The following CDC42BPA variants were observed in gnomAD, a reference collection of about 807,000 sequenced individuals.
CDC42BPA encodes the protein CDC42 binding protein kinase alpha.
CDC42BPA carries 80 observed loss-of-function variants against 223.5 expected under a neutral mutation model. That is an observed-to-expected ratio of 0.36 (90% CI 0.30 to 0.43). The LOEUF is 0.43. Ranked by LOEUF, CDC42BPA falls within the 20% of genes least tolerant of loss-of-function variation. The pLI is 1.00. For missense variants in CDC42BPA, 1,743 were observed against 2,099.9 expected, an observed-to-expected ratio of 0.83 and a Z score of 3.32; for synonymous variants, 694 against 718.6, an observed-to-expected ratio of 0.97 and a Z score of 0.55.
intron 16 of CDC42BPA, among the ~76,000 whole-genome samples, chr1:227,085,747 A>G (rs1191569738): frequency 6.6e-6 from 1 of 152,232 alleles, no homozygotes; most frequent in African/African-American, 2.4e-5. Context: ...TGATTTGCCT[A>G]TTGCAAACAA....
In CDC42BPA at chr1:227,311,280, G is replaced by C. The variant is rs182078941; in HGVS notation, c.178+5725C>G. Among the ~76,000 whole-genome samples, 144 of 152,216 alleles carry C rather than the reference G, an allele frequency of 9.5e-4. 1 individual carries two copies. Among genetic ancestry groups the C allele is most frequent in the African/African-American group, 3.2e-3 (131 of 41,526 alleles). On this transcript the variant is annotated intron_variant, in intron 1 of 36. Coordinates refer to ENST00000366766, the MANE Select transcript of CDC42BPA (RefSeq NM_001394014.1). ...GTAAGCTGAGACAGGAGGATCCTGA[G>C]CCCAGGAGGTTGAGGCTGTAGTGAG...
At chr1:227,237,658 T>C (rs1329166895) in intron 2 of CDC42BPA, among the ~76,000 whole-genome samples, 1 of 152,204 alleles carries the variant, frequency 6.6e-6, no homozygotes, top group Admixed American at 6.5e-5. Context: ...GATCCATCTG[T>C]GGTTTGTCCT....
chr1:227,056,373 GTTTCT>G (rs200929334), intron 21 of CDC42BPA, among the ~76,000 whole-genome samples: 92 of 150,098 alleles, frequency 6.1e-4, no homozygotes, highest in South Asian at 8.3e-4. Flanking sequence ...AAAAGTCCCA[GTTTCT>G]TTTCTTTTCT....
At chr1:227,202,930 CA>C (rs768363343) in intron 3 of CDC42BPA, among the ~76,000 whole-genome samples, 2 of 151,954 alleles carry the variant, frequency 1.3e-5, no homozygotes, top group Non-Finnish European at 2.9e-5. Flanking sequence ...ACTGTCTCTT[CA>C]AAAACATTAA....
At chr1:227,090,731 A>T (rs1227487000) in intron 16 of CDC42BPA, among the ~76,000 whole-genome samples, 1 of 152,192 alleles carries the variant, frequency 6.6e-6, no homozygotes, top group African/African-American at 2.4e-5. Flanking sequence ...GAATTGTTTG[A>T]ACCCAGGAGG....
intron 21 of CDC42BPA, chr1:227,068,377 TTAAA>T (rs1329840896): frequency 2.6e-5 from 4 of 153,776 alleles, no homozygotes; most frequent in Admixed American, 1.3e-4. Flanking sequence ...TAAAAAATAA[TTAAA>T]TAAGCATTCT....
At chr1:227,046,999 CCTTTT>C (rs1379310682) in intron 23 of CDC42BPA, among the ~76,000 whole-genome samples, 3 of 151,916 alleles carry the variant, frequency 2.0e-5, no homozygotes. Context: ...CAATATTTTT[CCTTTT>C]ATTTATAAAC....
intron 14 of CDC42BPA, 68 bp downstream of exon 14, chr1:227,112,244 T>C: frequency 1.2e-6 from 1 of 857,948 alleles, no homozygotes; most frequent in Non-Finnish European, 1.8e-6. Flanking sequence ...GTATACAAGC[T>C]AACACTCCTA....
intron 5 of CDC42BPA, among the ~76,000 whole-genome samples, chr1:227,169,624 C>T (rs1422011437): frequency 1.3e-5 from 2 of 152,156 alleles, no homozygotes; most frequent in African/African-American, 4.8e-5. Context: ...AGTTCTTCTA[C>T]TTATCTTCTT....
chr1:227,036,331 G>T (rs1670218244), intron 24 of CDC42BPA, among the ~76,000 whole-genome samples: 1 of 151,446 alleles, frequency 6.6e-6, no homozygotes, highest in Admixed American at 6.6e-5. Context: ...TTGCTATGTT[G>T]CCCAGGCTGG....
intron 10 of CDC42BPA, among the ~76,000 whole-genome samples, chr1:227,132,957 A>T (rs1341006001): frequency 6.7e-6 from 1 of 148,638 alleles, no homozygotes; most frequent in African/African-American, 2.5e-5. Context: ...CTGAGAAGTG[A>T]GGAGCCCCGC....
chr1:227,147,470 A>G lies in CDC42BPA; in HGVS notation c.783T>C (p.Pro261=), dbSNP rs1473550128. The change falls in exon 7 of 37, where the codon CCT becomes CCC. Residue 261 remains proline (P), a synonymous_variant. Coordinates refer to ENST00000366766, the MANE Select transcript of CDC42BPA (RefSeq NM_001394014.1). The part of the protein sequence containing the change: ...AMEDGKGRYG[P]ECDWWSLGVC... ...CCCCCAAAGACCACCAGTCACATTC[A>G]GGTCCATATCTCCCTTTTCCATCTT... 1 of 1,613,280 alleles carries G rather than the reference A, an allele frequency of 6.2e-7. No individual in the cohort carries two copies. The highest frequency in any genetic ancestry group is 8.5e-7 in the Non-Finnish European group (1 of 1,179,504).
chr1:227,202,262 G>A (rs918016804), intron 3 of CDC42BPA, among the ~76,000 whole-genome samples: 4 of 152,164 alleles, frequency 2.6e-5, no homozygotes, highest in Admixed American at 6.6e-5. Flanking sequence ...GATTACAGGC[G>A]TGAGCCACCA....
chr1:227,112,096 T>G (rs1332192314), intron 14 of CDC42BPA: 4 of 378,444 alleles, frequency 1.1e-5, no homozygotes, highest in Non-Finnish European at 1.9e-5. Context: ...TCCTGATAGA[T>G]TCATATTTCC....
intron 5 of CDC42BPA, among the ~76,000 whole-genome samples, chr1:227,185,614 A>C (rs1572208558): frequency 6.6e-6 from 1 of 152,116 alleles, no homozygotes; most frequent in Non-Finnish European, 1.5e-5. Flanking sequence ...ATACTACCTG[A>C]AAGTGGGGTT....
intron 19 of CDC42BPA, among the ~76,000 whole-genome samples, chr1:227,072,885 C>T (rs1332992587): frequency 6.6e-6 from 1 of 152,078 alleles, no homozygotes; most frequent in Admixed American, 6.6e-5. Context: ...GCTCTTTATG[C>T]TGGGATCAAT....
Position 227,317,864 on chromosome 1 carries a change from T to C in CDC42BPA, c.-682A>G, listed in dbSNP as rs1318353618. The C allele has an allele frequency of 2.5e-6, 1 of 398,590 alleles. No homozygotes were observed. Among genetic ancestry groups the C allele is most frequent in the Non-Finnish European group, 4.4e-6 (1 of 226,100 alleles). 24.7% of individuals were successfully genotyped at this position (398,590 alleles called of 1,614,324 possible). A position where few individuals can be genotyped will look rare whatever the true frequency, so the allele number is the denominator to read the frequency against. On this transcript the variant is annotated 5_prime_UTR_variant, in exon 1 of 37. Transcript: ENST00000366766. ...CGTTTCTCCTCCCGAGGTCCTTCTT[T>C]CTTTAAGGCTTTGCAGTCAGTCCTA...
At chr1:226,996,686 CA>C (rs1164200836) in intron 35 of CDC42BPA, among the ~76,000 whole-genome samples, 1 of 152,160 alleles carries the variant, frequency 6.6e-6, no homozygotes, top group Non-Finnish European at 1.5e-5. Context: ...TGAATTTTAT[CA>C]AAGGCCTTTT....
At chr1:227,011,013 A>C (rs757267927) in intron 34 of CDC42BPA, 18 of 1,360,304 alleles carry the variant, frequency 1.3e-5, no homozygotes, top group Non-Finnish European at 1.7e-5. Flanking sequence ...AGTTGATCGG[A>C]GAGGAGATCA....
Sources: gnomAD v4.1 joint callset for allele counts (sites outside exome capture counted in the v4.1 genomes callset) on GRCh38, gnomAD v4.1.1 for gene constraint, MANE v1.5 for transcripts, NCBI Gene and HGNC (gene_info 2026-07-23, HGNC 2026-07-21) for gene names.